Variants in SPOCK3 observed in about 807,000 individuals in gnomAD.
SPOCK3 encodes testican-3.
In SPOCK3, 30 loss-of-function variants were observed where a neutral mutation model predicts 56.6. The ratio of observed to expected loss-of-function variants is 0.53; its 90% confidence interval spans 0.40 to 0.72. The LOEUF is 0.72. Ranked by LOEUF, SPOCK3 falls within the 30% of genes least tolerant of loss-of-function variation. The probability of loss-of-function intolerance (pLI) is 0.00; values close to 1 mark genes in which losing one functional copy is unlikely to be tolerated. For missense variants in SPOCK3, 527 were observed against 530.0 expected, an observed-to-expected ratio of 0.99 and a Z score of 0.06; for synonymous variants, 196 against 183.3, an observed-to-expected ratio of 1.07 and a Z score of -0.56.
At chr4:167,153,439 A>G (rs1254971047) in intron 2 of SPOCK3, among the ~76,000 whole-genome samples, 1 of 152,220 alleles carries the variant, frequency 6.6e-6, no homozygotes, top group Non-Finnish European at 1.5e-5. Flanking sequence ...GCTGTCCCAT[A>G]TGTGACTATT....
chr4:166,810,595 T>C (rs1226043367), intron 6 of SPOCK3, among the ~76,000 whole-genome samples: 3 of 152,032 alleles, frequency 2.0e-5, no homozygotes, highest in Non-Finnish European at 4.4e-5. Flanking sequence ...TTCAGTGTTA[T>C]AAACAAAACT....
chr4:166,836,318 T>G (rs1034660342), intron 6 of SPOCK3, among the ~76,000 whole-genome samples: 1 of 152,170 alleles, frequency 6.6e-6, no homozygotes, highest in African/African-American at 2.4e-5. Context: ...TCAACACGAT[T>G]TTATCATTTT....
chr4:166,886,983 T>C (rs1234014146), intron 6 of SPOCK3, among the ~76,000 whole-genome samples: 3 of 152,156 alleles, frequency 2.0e-5, no homozygotes, highest in Non-Finnish European at 4.4e-5. Flanking sequence ...AGAGGAGGAT[T>C]AGTTTAAATT....
chr4:167,199,049 A>G (rs527668528), intron 2 of SPOCK3, among the ~76,000 whole-genome samples: 1 of 152,250 alleles, frequency 6.6e-6, no homozygotes, highest in Non-Finnish European at 1.5e-5. Flanking sequence ...CTATTTGTAT[A>G]GACTCATCAG....
chr4:167,178,631 T>TAG (rs957003896), intron 2 of SPOCK3, among the ~76,000 whole-genome samples: 3 of 152,146 alleles, frequency 2.0e-5, no homozygotes, highest in Admixed American at 1.3e-4. Context: ...TTTTAACATT[T>TAG]AGAGACTCAT....
chr4:166,763,187 G>T (rs147576763), intron 7 of SPOCK3, among the ~76,000 whole-genome samples: 6 of 151,892 alleles, frequency 4.0e-5, no homozygotes, highest in East Asian at 1.9e-4. Flanking sequence ...GAGAAATTCT[G>T]CACAGAGGAA....
intron 2 of SPOCK3, among the ~76,000 whole-genome samples, chr4:167,164,730 C>G (rs9312511): frequency 6.6e-6 from 1 of 151,752 alleles, no homozygotes; most frequent in Non-Finnish European, 1.5e-5. Context: ...CTGAGAATGA[C>G]GGCTTCCAGT....
intron 7 of SPOCK3, among the ~76,000 whole-genome samples, chr4:166,774,885 C>T (rs1739357623): frequency 6.6e-6 from 1 of 152,128 alleles, no homozygotes; most frequent in Admixed American, 6.5e-5. Context: ...TGTCTTTACT[C>T]TTTTAGATTT....
At chr4:167,052,702 T>C (rs1754352273) in intron 3 of SPOCK3, among the ~76,000 whole-genome samples, 1 of 152,202 alleles carries the variant, frequency 6.6e-6, no homozygotes, top group African/African-American at 2.4e-5. Flanking sequence ...GCCCCTATTG[T>C]GAAGCATGGA....
At chr4:166,819,902 C>T (rs114721136) in intron 6 of SPOCK3, among the ~76,000 whole-genome samples, 1,852 of 151,804 alleles carry the variant, frequency 0.012, 46 homozygotes, top group African/African-American at 0.043. Flanking sequence ...TATAATTTTT[C>T]GTAGAGACAG....
intron 6 of SPOCK3, among the ~76,000 whole-genome samples, chr4:166,833,292 T>G (rs1466793404): frequency 6.6e-6 from 1 of 152,210 alleles, no homozygotes; most frequent in African/African-American, 2.4e-5. Context: ...CTATCATGTG[T>G]GCACTTAAAA....
chr4:166,739,310 G>A (rs866026577), intron 9 of SPOCK3, among the ~76,000 whole-genome samples: 3 of 151,946 alleles, frequency 2.0e-5, no homozygotes, highest in African/African-American at 4.8e-5. Context: ...GGGCGATCTC[G>A]GCTCACTACA....
chr4:166,934,268 A>G lies in SPOCK3; in HGVS notation c.351-21525T>C, dbSNP rs953431784. Among the ~76,000 whole-genome samples, 3 of 151,738 alleles carry G rather than the reference A, an allele frequency of 2.0e-5. No homozygotes were observed. In the East Asian group the frequency reaches 5.8e-4, roughly 30 times the overall value. ...CACTTTGGGAGGCCGAGACTGGTGG[A>G]TCACCAGGTCAGGAGATGGAACCAT... On this transcript the variant is annotated intron_variant, in intron 4 of 10. Transcript: ENST00000357545.
intron 4 of SPOCK3, among the ~76,000 whole-genome samples, chr4:166,964,476 A>G (rs1027905394): frequency 6.6e-6 from 1 of 151,828 alleles, no homozygotes; most frequent in African/African-American, 2.4e-5. Context: ...CACACAAAAT[A>G]CTAATAATTT....
At chr4:167,180,190 G>A (rs894366522) in intron 2 of SPOCK3, among the ~76,000 whole-genome samples, 9 of 152,052 alleles carry the variant, frequency 5.9e-5, no homozygotes, top group Admixed American at 3.3e-4. Context: ...AGTAAAATAC[G>A]GAAAAACAGT....
intron 3 of SPOCK3, among the ~76,000 whole-genome samples, chr4:167,035,611 C>CT (rs1194438728): frequency 6.6e-6 from 1 of 152,124 alleles, no homozygotes; most frequent in Non-Finnish European, 1.5e-5. Context: ...TAGCAGGCTG[C>CT]TGTCTAACCC....
chr4:166,742,166 T>C (rs1027543167), intron 8 of SPOCK3, 107 bp from the exon 9 acceptor site: 1 of 747,538 alleles, frequency 1.3e-6, no homozygotes, highest in Non-Finnish European at 2.3e-6. Flanking sequence ...TTGGAAGACA[T>C]GTATTACATA....
intron 3 of SPOCK3, among the ~76,000 whole-genome samples, chr4:167,047,313 A>T (rs1392925427): frequency 1.3e-5 from 2 of 152,168 alleles, no homozygotes; most frequent in South Asian, 2.1e-4. Flanking sequence ...ACTAAGTAGA[A>T]AGTTAAAGAT....
At position 167,157,619 on chromosome 4, in the gene SPOCK3, A is replaced by T. The variant is rs202118669; in HGVS notation, c.189+76366T>A. ...TTTTCAGATAGGAAAGGTTTTTTTT[A>T]AAAAAAAAAACACAATAAATCATTG... On this transcript the variant is annotated intron_variant, in intron 2 of 10. Coordinates refer to ENST00000357545, the MANE Select transcript of SPOCK3 (RefSeq NM_001040159.2). 4.8e-3 allele frequency among the ~76,000 whole-genome samples: 263 copies of T among 54,442 alleles called. 2 individuals are homozygous for T. The highest frequency in any genetic ancestry group is 0.012 in the Admixed American group (47 of 4,076). 35.7% of individuals were successfully genotyped at this position (54,442 alleles called of 152,430 possible).
Sources: gnomAD v4.1 joint callset for allele counts (sites outside exome capture counted in the v4.1 genomes callset) on GRCh38, gnomAD v4.1.1 for gene constraint, MANE v1.5 for transcripts, NCBI Gene and HGNC (gene_info 2026-07-23, HGNC 2026-07-21) for gene names.